Variants in TRIM5 observed in about 807,000 individuals in gnomAD.
TRIM5 encodes the protein tripartite motif containing 5.
In TRIM5, 31 loss-of-function variants were observed where a neutral mutation model predicts 35.6. The observed-to-expected ratio is 0.87, with a 90% CI of 0.65 to 1.18. The LOEUF is 1.18. Among genes scored for constraint, TRIM5 ranks in the 50% most tolerant of loss-of-function variants. TRIM5 has a pLI of 0.00. For missense variants in TRIM5, 609 were observed against 591.6 expected (o/e 1.03, Z -0.31); for synonymous variants, 243 against 215.6 (o/e 1.13, Z -1.11).
chr11:5,607,328 C>T, the TRIM5 span, among the ~76,000 whole-genome samples: 1 of 152,160 alleles, frequency 6.6e-6, no homozygotes, highest in Non-Finnish European at 1.5e-5. Context: ...AGTACAGCCA[C>T]AATGTAAGAT....
At chr11:5,610,153 T>G in the TRIM5 span, 1 of 1,613,984 alleles carries the variant, frequency 6.2e-7, no homozygotes, top group Non-Finnish European at 8.5e-7. Flanking sequence ...AGGAGTGAGT[T>G]CTGGACCCTG....
downstream of TRIM5, among the ~76,000 whole-genome samples, chr11:5,660,109 T>A (rs1390056658): frequency 6.6e-6 from 1 of 152,140 alleles, no homozygotes; most frequent in Non-Finnish European, 1.5e-5. Context: ...CCTGAGTAGC[T>A]GGGACTACAG....
chr11:5,632,334 G>A, the TRIM5 span: 1 of 1,614,046 alleles, frequency 6.2e-7, no homozygotes, highest in African/African-American at 1.3e-5. Context: ...GCAGTGCAAT[G>A]GCTTCAAAAA....
the TRIM5 span, chr11:5,603,441 C>G: frequency 6.2e-7 from 1 of 1,614,046 alleles, no homozygotes; most frequent in South Asian, 1.1e-5. Context: ...CACCAAATGG[C>G]AGGGAATCAG....
At chr11:5,617,711 A>G in the TRIM5 span, among the ~76,000 whole-genome samples, 1 of 144,444 alleles carries the variant, frequency 6.9e-6, no homozygotes, top group African/African-American at 2.5e-5. Flanking sequence ...GCTGGTCTCA[A>G]ACTCCTGACC....
At chr11:5,611,812 A>G in the TRIM5 span, 1 of 156,684 alleles carries the variant, frequency 6.4e-6, no homozygotes, top group Admixed American at 6.1e-5. Context: ...GAGAGTAAGC[A>G]TCTTTGACTG....
chr11:5,665,861 G>T, intron 6 of TRIM5, 120 bp downstream of exon 6: 1 of 1,312,450 alleles, frequency 7.6e-7, no homozygotes, highest in Non-Finnish European at 1.0e-6. Context: ...ATCAGCAGCA[G>T]ACAATATCTA....
intron 2 of TRIM5, among the ~76,000 whole-genome samples, chr11:5,679,395 C>G (rs1047731843): frequency 2.0e-5 from 3 of 152,150 alleles, no homozygotes; most frequent in Admixed American, 2.0e-4. Context: ...TAGACTGATT[C>G]TTTTTGTCCT....
chr11:5,603,231 T>C, the TRIM5 span: 13 of 1,605,012 alleles, frequency 8.1e-6, no homozygotes, highest in Non-Finnish European at 9.4e-6. Context: ...TTTTTTTGTT[T>C]GTTCATCTAC....
At chr11:5,682,953 G>A (rs956984653) in intron 1 of TRIM5, among the ~76,000 whole-genome samples, 1 of 152,222 alleles carries the variant, frequency 6.6e-6, no homozygotes, top group Non-Finnish European at 1.5e-5. Context: ...GGAGGGAGAG[G>A]GGCGAGCGGG....
At chr11:5,610,474 A>C in the TRIM5 span, 1 of 1,613,166 alleles carries the variant, frequency 6.2e-7, no homozygotes, top group Non-Finnish European at 8.5e-7. Flanking sequence ...GTAAGGAGAG[A>C]GATACCAGAC....
At chr11:5,650,544 A>G in the TRIM5 span, among the ~76,000 whole-genome samples, 1 of 152,214 alleles carries the variant, frequency 6.6e-6, no homozygotes, top group East Asian at 1.9e-4. Flanking sequence ...CCATGAGGAC[A>G]TACCTGCAGG....
chr11:5,605,503 C>T, the TRIM5 span: 38 of 1,613,994 alleles, frequency 2.4e-5, no homozygotes, highest in Middle Eastern at 1.6e-4. Context: ...CAGACCCAGT[C>T]GCTGCGAGAG....
In TRIM5 at chr11:5,665,108, G is replaced by A. The variant is rs1032376798; in HGVS notation, c.1183C>T (p.Pro395Ser). 2 of 1,614,048 alleles carry A rather than the reference G, an allele frequency of 1.2e-6. No individual in the cohort carries two copies. The highest frequency in any genetic ancestry group is 1.7e-6 in the Non-Finnish European group (2 of 1,180,014). The change falls in exon 8 of 8, where the codon CCT becomes TCT. Residue 395 changes from proline (P) to serine (S), a missense_variant. By Grantham distance (74) the Pro-to-Ser change is moderately conservative. Coordinates refer to ENST00000380034, the MANE Select transcript of TRIM5 (RefSeq NM_033034.3). ...CCTATAACCCAGTAGCCGTATTTAG[G>A]TTGATAATTTTCATTTTTTTCAATA... ...CNIEKNENYQ[P>S]KYGYWVIGLE...
the TRIM5 span, chr11:5,655,621 T>C: frequency 4.1e-6 from 4 of 984,668 alleles, no homozygotes; most frequent in South Asian, 4.7e-5. Flanking sequence ...GGTGTGAAGA[T>C]TGCCATGCTC....
intron 1 of TRIM5, among the ~76,000 whole-genome samples, chr11:5,682,356 G>A (rs1329760137): frequency 6.6e-6 from 1 of 152,082 alleles, no homozygotes; most frequent in Non-Finnish European, 1.5e-5. Flanking sequence ...TGCTTTTGGG[G>A]GGCAGATACG....
chr11:5,632,421 T>A, the TRIM5 span: 2 of 1,613,960 alleles, frequency 1.2e-6, no homozygotes, highest in Non-Finnish European at 1.7e-6. Flanking sequence ...GTCTAGACTG[T>A]GGCCACAGCC....
rs1364041169 is a variant in TRIM5 at position 5,679,819 on chromosome 11, G to A, written c.359C>T (p.Ser120Phe). ...GKVICWLCER[S>F]QEHRGHHTFL... ...CGTGTGGTGACCACGGTGCTCCTGA[G>A]ACCGCTCACAAAGCCAGCAAATGAC... Residue 120 changes from serine to phenylalanine, a missense_variant, in exon 2 of 8, where the codon TCT becomes TTT. By Grantham distance (155) the Ser-to-Phe change is radical. Transcript: ENST00000380034. 1 of 1,612,778 alleles carries A rather than the reference G, an allele frequency of 6.2e-7. No homozygotes were observed. Among genetic ancestry groups the A allele is most frequent in the African/African-American group, 1.3e-5 (1 of 74,790 alleles).
chr11:5,665,624 G>C, intron 7 of TRIM5, 32 bp downstream of exon 7: 1 of 1,576,246 alleles, frequency 6.3e-7, no homozygotes, highest in South Asian at 1.2e-5. Context: ...ATAAGCCGCA[G>C]GGTGGCTTAT....
Sources: allele counts gnomAD v4.1 joint callset (sites outside exome capture counted in the v4.1 genomes callset), GRCh38; gene constraint gnomAD v4.1.1; transcripts MANE v1.5; gene names NCBI Gene and HGNC (gene_info 2026-07-23, HGNC 2026-07-21).